The following BACE1 variants were observed in gnomAD, a reference collection of about 807,000 sequenced individuals.
The protein encoded by BACE1 is APP beta-secretase.
BACE1 carries 21 observed loss-of-function variants against 54.0 expected under a neutral mutation model. The ratio of observed to expected loss-of-function variants is 0.39; its 90% CI spans 0.28 to 0.56. The LOEUF (loss-of-function observed/expected upper bound fraction) is 0.56. BACE1 is among the 20% of genes least tolerant of loss of function. The pLI, the probability that BACE1 is intolerant of heterozygous loss-of-function variation, is 0.63. For missense variants in BACE1, 511 were observed against 661.2 expected (o/e 0.77, Z 2.49); for synonymous variants, 232 against 260.9 (o/e 0.89, Z 1.07).
chr11:117,305,643 C>T (rs1357696223), intron 1 of BACE1, among the ~76,000 whole-genome samples: 1 of 151,980 alleles, frequency 6.6e-6, no homozygotes, highest in Non-Finnish European at 1.5e-5. Flanking sequence ...TGTAACCCGG[C>T]TCAACTAATA....
Position 117,307,981 on chromosome 11 carries a change from A to G in BACE1, c.261+7554T>C, listed in dbSNP as rs1416808554. Among the ~76,000 whole-genome samples, 3 of 151,878 alleles carry G rather than the reference A, an allele frequency of 2.0e-5. No individual in the cohort carries two copies. In the East Asian group the frequency reaches 5.8e-4, roughly 29 times the overall value. On this transcript the variant is annotated intron_variant, in intron 1 of 8. Coordinates refer to ENST00000313005, the MANE Select transcript of BACE1 (RefSeq NM_012104.6). ...TGCAAAAACTCTTTTTTAAAAAAAT[A>G]TAACCCAGAAGTCCACTGTATAAAA... is the stretch of plus-strand genomic sequence containing the variant.
rs748797299 is a variant in BACE1, at chr11:117,291,712, G to T, written c.942C>A (p.Ser314=). The T allele has an allele frequency of 6.2e-7, 1 of 1,609,956 alleles. No individual in the cohort carries two copies. The highest frequency in any genetic ancestry group is 8.5e-7 in the Non-Finnish European group (1 of 1,176,376). The change falls in exon 6 of 9, where the codon TCC becomes TCA. Residue 314 remains serine, a splice_region_variant and synonymous_variant. Coordinates refer to ENST00000313005, the MANE Select transcript of BACE1 (RefSeq NM_012104.6). ...TTACCCCCATCCTTAGTCCACTCAC[G>T]GAGGAGGCTGCCTTGATGGATTTGA... The part of the protein sequence containing the change: ...AAVKSIKAAS[S]TEKFPDGFWL...
In BACE1 at chr11:117,315,394, A is replaced by G. The variant is rs1591876977; in HGVS notation, c.261+141T>C. ...GAACACTTCTGCCAACAACCACGTG[A>G]CCCCCGGGGAATGGCTGGGGAGGGG... is the stretch of plus-strand genomic sequence containing the variant. On this transcript the variant is annotated intron_variant, in intron 1 of 8. Coordinates refer to ENST00000313005, the MANE Select transcript of BACE1 (RefSeq NM_012104.6). The surrounding 1 kb of genome is among the most constrained non-coding windows in gnomAD (Gnocchi z 5.5). 4 of 1,175,026 alleles carry G rather than the reference A, an allele frequency of 3.4e-6. No homozygotes were observed. The East Asian group carries it at 1.2e-4, about 36-fold the overall frequency. The allele number at this position is 1,175,026 out of a possible 1,614,324, so 72.8% of individuals were successfully genotyped here.
At chr11:117,304,742 C>T (rs1461458845) in intron 1 of BACE1, among the ~76,000 whole-genome samples, 1 of 152,186 alleles carries the variant, frequency 6.6e-6, no homozygotes, top group Non-Finnish European at 1.5e-5. Flanking sequence ...CTCAGTAGCA[C>T]CTGTGCTTCT....
intron 1 of BACE1, among the ~76,000 whole-genome samples, chr11:117,304,042 A>G (rs1313457008): frequency 6.6e-6 from 1 of 152,196 alleles, no homozygotes; most frequent in African/African-American, 2.4e-5. Flanking sequence ...ATAGATTGTT[A>G]TACTAATGAA....
intron 8 of BACE1, among the ~76,000 whole-genome samples, 170 bp from the exon 9 acceptor site, chr11:117,289,977 TC>T (rs1436391340): frequency 6.6e-6 from 1 of 152,142 alleles, no homozygotes; most frequent in Admixed American, 6.5e-5. Flanking sequence ...TAGAGGCCTG[TC>T]TCCCTTCCCA....
intron 8 of BACE1, among the ~76,000 whole-genome samples, chr11:117,290,091 A>C (rs1048952568): frequency 1.2e-4 from 19 of 152,152 alleles, no homozygotes; most frequent in African/African-American, 4.3e-4. Flanking sequence ...CTTGACCAAA[A>C]GCCAAATCTA....
Position 117,295,151 on chromosome 11 carries a change from C to G in BACE1, c.547G>C (p.Ala183Pro), listed in dbSNP as rs1317927783. The G allele has an allele frequency of 6.2e-7, 1 of 1,614,194 alleles. No individual in the cohort carries two copies. The highest frequency in any genetic ancestry group is 1.7e-5 in the Admixed American group (1 of 60,024). ...CTCACCCTGGCAATCTCAGCATAGG[C>G]CAGCCCCAGGATGCCTTCCCAGTTG... ...GSNWEGILGL[A>P]YAEIARPDDS... The change falls in exon 3 of 9, where the codon GCC becomes CCC. Residue 183 changes from alanine (A) to proline (P), a missense_variant. Coordinates refer to ENST00000313005, the MANE Select transcript of BACE1 (RefSeq NM_012104.6).
At chr11:117,304,891 T>C (rs2034796347) in intron 1 of BACE1, among the ~76,000 whole-genome samples, 2 of 147,576 alleles carry the variant, frequency 1.4e-5, no homozygotes, top group Non-Finnish European at 3.0e-5. Context: ...TCCGTAATGA[T>C]TTTTTTTTTA....
Position 117,315,254 on chromosome 11 carries a change from G to T in BACE1, c.261+281C>A, listed in dbSNP as rs942263993. On this transcript the variant is annotated intron_variant, in intron 1 of 8. Coordinates refer to ENST00000313005, the MANE Select transcript of BACE1 (RefSeq NM_012104.6). The surrounding 1 kb of genome is among the most constrained non-coding windows in gnomAD (Gnocchi z 5.5). ...TGGCGGACCCTTCCTCCAGGTCAGG[G>T]TCCCCAGCTGATGTGTCTGTCTTGC... 6.6e-6 allele frequency among the ~76,000 whole-genome samples: 1 copy of T among 152,182 alleles called. No homozygotes were observed. Among genetic ancestry groups the T allele is most frequent in the Admixed American group, 6.5e-5 (1 of 15,286 alleles).
At chr11:117,313,521 G>A (rs546941684) in intron 1 of BACE1, among the ~76,000 whole-genome samples, 2 of 152,216 alleles carry the variant, frequency 1.3e-5, no homozygotes, top group East Asian at 3.9e-4. Flanking sequence ...TGCAACCTCC[G>A]CCTCCCAGGT....
intron 3 of BACE1, 181 bp from the exon 4 acceptor site, chr11:117,294,189 C>A: frequency 1.8e-6 from 1 of 545,428 alleles, no homozygotes; most frequent in Non-Finnish European, 3.2e-6. Context: ...GCAAACAGGA[C>A]AGTATTGATA....
At chr11:117,291,089 CTT>C in intron 6 of BACE1, 40 bp from the exon 7 acceptor site, 2 of 1,603,956 alleles carry the variant, frequency 1.2e-6, no homozygotes, top group Non-Finnish European at 1.7e-6. Flanking sequence ...GGAAAAGCCT[CTT>C]TATCATCTCG....
At position 117,289,605 on chromosome 11, in the gene BACE1, C is replaced by T. The variant is rs202219817; in HGVS notation, c.1467G>A (p.Gln489=). 1,966 of 1,614,184 alleles carry T rather than the reference C, an allele frequency of 1.2e-3. 34 individuals carry two copies. In the South Asian group the frequency reaches 0.018, roughly 14 times the overall value. Residue 489 remains glutamine, a synonymous_variant, in exon 9 of 9, where the codon CAG becomes CAA. Coordinates refer to ENST00000313005, the MANE Select transcript of BACE1 (RefSeq NM_012104.6). ...AGATGTCATCAGCAAAGTCATCATG[C>T]TGCTGGCGCAGGCAGCGGAGGCAGC... is the stretch of plus-strand genomic sequence containing the variant. ...QWRCLRCLRQ[Q]HDDFADDISL...
intron 3 of BACE1, among the ~76,000 whole-genome samples, chr11:117,294,876 A>G (rs1485697625): frequency 6.7e-6 from 1 of 149,344 alleles, no homozygotes; most frequent in East Asian, 2.0e-4. Flanking sequence ...CAAGAGTGAA[A>G]CTCCGTCTCA....
chr11:117,291,068 G>A lies in BACE1; in HGVS notation c.943-19C>T. ...TCTCCGTCTGTGTTGGCAAGAAGGG[G>A]ATAACAATGAGGAAAAGCCTCTTTA... On this transcript the variant is annotated intron_variant, in intron 6 of 8. Coordinates refer to ENST00000313005, the MANE Select transcript of BACE1 (RefSeq NM_012104.6). The A allele has an allele frequency of 6.2e-7, 1 of 1,612,834 alleles. No individual in the cohort carries two copies. Among genetic ancestry groups the A allele is most frequent in the Non-Finnish European group, 8.5e-7 (1 of 1,179,328 alleles).
In BACE1 at chr11:117,285,990, A is replaced by T. The variant is rs2034250355; in HGVS notation, c.*3576T>A. The T allele has an allele frequency of 6.6e-6, 1 of 152,316 alleles. No homozygotes were observed. The highest frequency in any genetic ancestry group is 1.5e-5 in the Non-Finnish European group (1 of 67,992). 9.4% of individuals were successfully genotyped at this position (152,316 alleles called of 1,614,324 possible). A position where few individuals can be genotyped will look rare whatever the true frequency, so the allele number is the denominator to read the frequency against. On this transcript the variant is annotated 3_prime_UTR_variant, in exon 9 of 9. Coordinates refer to ENST00000313005, the MANE Select transcript of BACE1 (RefSeq NM_012104.6). Reference sequence around the variant, plus strand: ...GTGAAGTCCTCACCCTTTCCCATTCACTTCTGGTCTCCTAGTCTAGCTAAT... The same window carrying T: ...GTGAAGTCCTCACCCTTTCCCATTCTCTTCTGGTCTCCTAGTCTAGCTAAT...
intron 1 of BACE1, among the ~76,000 whole-genome samples, chr11:117,300,226 C>G (rs1310780718): frequency 2.0e-5 from 3 of 152,100 alleles, no homozygotes; most frequent in Non-Finnish European, 4.4e-5. Flanking sequence ...CCCAATACTA[C>G]GATTTCAGGT....
intron 2 of BACE1, among the ~76,000 whole-genome samples, chr11:117,296,488 T>C (rs1189490078): frequency 6.6e-6 from 1 of 152,156 alleles, no homozygotes; most frequent in Non-Finnish European, 1.5e-5. Flanking sequence ...CCTGTTCAGC[T>C]TAGACTTAGC....
Sources: allele counts gnomAD v4.1 joint callset (sites outside exome capture counted in the v4.1 genomes callset), GRCh38; gene constraint gnomAD v4.1.1; non-coding constraint Gnocchi (gnomAD v3.1); transcripts MANE v1.5; gene names NCBI Gene and HGNC (gene_info 2026-07-23, HGNC 2026-07-21).